Variants in WFDC3 observed in about 807,000 individuals in gnomAD.
WFDC3 encodes WAP four-disulfide core domain 3, also known as WAP four-disulfide core domain protein 3.
Under a neutral mutation model 25.8 loss-of-function variants are expected in WFDC3, and 15 were observed. The observed-to-expected ratio is 0.58, with a 90% CI of 0.39 to 0.89. The LOEUF is 0.89. WFDC3 is among the 40% of genes least tolerant of loss of function. The pLI is 0.00. For missense variants in WFDC3, 264 were observed against 289.8 expected, an observed-to-expected ratio of 0.91 and a Z score of 0.65; for synonymous variants, 103 against 107.1, an observed-to-expected ratio of 0.96 and a Z score of 0.24.
chr20:45,784,267 C>A (rs922377704), intron 4 of WFDC3, among the ~76,000 whole-genome samples: 1 of 152,188 alleles, frequency 6.6e-6, no homozygotes, highest in African/African-American at 2.4e-5. Context: ...GGCAGGCTGC[C>A]CAAGATAGCT....
chr20:45,776,321 T>TGTGTGTATG (rs1980151592), intron 5 of WFDC3, among the ~76,000 whole-genome samples: 1 of 149,006 alleles, frequency 6.7e-6, no homozygotes, highest in Non-Finnish European at 1.5e-5. Context: ...TGTGTGTGTG[T>TGTGTGTATG]TTCCAGCTGG....
At chr20:45,781,093 A>T (rs935821062) in intron 4 of WFDC3, among the ~76,000 whole-genome samples, 12 of 151,864 alleles carry the variant, frequency 7.9e-5, no homozygotes, top group Admixed American at 2.0e-4. Context: ...TACAAAAAAA[A>T]AAAAAAAAAG....
intron 4 of WFDC3, among the ~76,000 whole-genome samples, chr20:45,781,260 T>C (rs1164121562): frequency 7.5e-6 from 1 of 134,170 alleles, no homozygotes; most frequent in Non-Finnish European, 1.5e-5. Flanking sequence ...AACACACACA[T>C]AGACACACAC....
intron 4 of WFDC3, among the ~76,000 whole-genome samples, chr20:45,787,163 T>C (rs929156825): frequency 1.9e-5 from 2 of 106,370 alleles, no homozygotes; most frequent in African/African-American, 3.5e-5. Flanking sequence ...CCACCTTCCA[T>C]AGGCATCAAG....
At chr20:45,776,660 A>ATATATGTG (rs762240715) in intron 5 of WFDC3, among the ~76,000 whole-genome samples, 95 of 93,224 alleles carry the variant, frequency 1.0e-3, no homozygotes, top group Non-Finnish European at 1.3e-3. Flanking sequence ...ATATATATAT[A>ATATATGTG]TGTGTGTGTG....
chr20:45,787,798 C>T, intron 4 of WFDC3, 38 bp downstream of exon 4: 1 of 1,578,768 alleles, frequency 6.3e-7, no homozygotes, highest in South Asian at 1.2e-5. Context: ...AACAAGCAGA[C>T]CAAACAGACC....
chr20:45,790,941 C>A (rs1213240921), intron 1 of WFDC3: 2 of 470,642 alleles, frequency 4.2e-6, no homozygotes, highest in East Asian at 7.0e-5. Flanking sequence ...TCCTTTATTT[C>A]TTTTTTCTCC....
chr20:45,776,224 G>T (rs1290646771), intron 5 of WFDC3, among the ~76,000 whole-genome samples: 1 of 148,398 alleles, frequency 6.7e-6, no homozygotes, highest in Non-Finnish European at 1.5e-5. Context: ...AAAAATATTT[G>T]TTTTTTTAAA....
rs151063124 is a variant in WFDC3 at position 45,782,011 on chromosome 20, G to A, written c.359-4802C>T. ...CAGGGAGGCCATGCCATCAGCCCAC[G>A]TAAAAGATAATACATATATGTTAAT... is the stretch of plus-strand genomic sequence containing the variant. On this transcript the variant is annotated intron_variant, in intron 4 of 6. Transcript: ENST00000243938. Among the ~76,000 whole-genome samples the A allele has an allele frequency of 3.3e-3, 509 of 152,268 alleles. 5 individuals are homozygous for A. Among genetic ancestry groups the A allele is most frequent in the African/African-American group, 0.012 (491 of 41,544 alleles).
intron 4 of WFDC3, 70 bp downstream of exon 4, chr20:45,787,766 A>G: frequency 1.3e-6 from 2 of 1,511,852 alleles, no homozygotes; most frequent in Non-Finnish European, 1.8e-6. Context: ...CAACAAGCTG[A>G]TATGTGCATA....
At chr20:45,781,085 CA>C (rs796825499) in intron 4 of WFDC3, among the ~76,000 whole-genome samples, 3,074 of 106,306 alleles carry the variant, frequency 0.029, 78 homozygotes, top group African/African-American at 0.11. Flanking sequence ...ACTAAAAATA[CA>C]AAAAAAAAAA....
chr20:45,784,640 C>G lies in WFDC3; in HGVS notation c.358+3196G>C, dbSNP rs149557581. Among the ~76,000 whole-genome samples, 68 of 152,266 alleles carry G rather than the reference C, an allele frequency of 4.5e-4. No homozygotes were observed. In the East Asian group the frequency reaches 0.012, roughly 27 times the overall value. ...CCTATAATCCCAGCTACTTGGGAGG[C>G]TGAGGCAGGAGAATCGCTTGAACCT... On this transcript the variant is annotated intron_variant, in intron 4 of 6. Coordinates refer to ENST00000243938, the MANE Select transcript of WFDC3 (RefSeq NM_080614.2).
chr20:45,788,092 T>C (rs1980771803), intron 3 of WFDC3, 110 bp from the exon 4 acceptor site: 2 of 1,213,272 alleles, frequency 1.6e-6, no homozygotes, highest in Admixed American at 3.0e-5. Flanking sequence ...TCACCTGAGG[T>C]AGGGAGTTCG....
chr20:45,788,689 G>T (rs1276498418), intron 3 of WFDC3: 5 of 411,868 alleles, frequency 1.2e-5, no homozygotes, highest in Non-Finnish European at 1.7e-5. Flanking sequence ...GCCTTCACAG[G>T]AACTTTGAGT....
intron 6 of WFDC3, among the ~76,000 whole-genome samples, chr20:45,775,196 G>C (rs749280606): frequency 2.6e-5 from 4 of 152,018 alleles, no homozygotes; most frequent in Non-Finnish European, 5.9e-5. Flanking sequence ...GTGTAAGCCT[G>C]TACTGTTTAT....
In WFDC3 at chr20:45,787,893, A is replaced by G. The variant is rs1980759933; in HGVS notation, c.301T>C (p.Cys101Arg). ...TDETCPGVKK[C>R]CTLGCNKSCV... Reference sequence around the variant, plus strand: ...CTCTTGTTGCAGCCAAGCGTGCAGCATTTCTTTACACCTGGACATGTCTCA... The same window carrying G: ...CTCTTGTTGCAGCCAAGCGTGCAGCGTTTCTTTACACCTGGACATGTCTCA... Residue 101 changes from cysteine (C) to arginine (R), a missense_variant, in exon 4 of 7, where the codon TGC (cysteine) becomes CGC (arginine). Transcript: ENST00000243938. The G allele has an allele frequency of 2.5e-6, 4 of 1,614,108 alleles. No individual in the cohort carries two copies. The highest frequency in any genetic ancestry group is 2.5e-6 in the Non-Finnish European group (3 of 1,180,008).
chr20:45,776,985 G>A, intron 5 of WFDC3, 90 bp downstream of exon 5: 1 of 1,597,772 alleles, frequency 6.3e-7, no homozygotes, highest in Non-Finnish European at 8.5e-7. Context: ...GGACAGGAAG[G>A]ATGAGAATCC....
At chr20:45,776,600 AAAAAAAAAAAAAGAAAAAAAAG>A (rs1346227893) in intron 5 of WFDC3, among the ~76,000 whole-genome samples, 90 of 42,076 alleles carry the variant, frequency 2.1e-3, no homozygotes, top group Admixed American at 0.01. Flanking sequence ...TCTGTCTCAA[AAAAAAAAAAAAAGAAAAAAAAG>A]AAAAAAAAAA....
At chr20:45,780,613 G>A (rs6065889) in intron 4 of WFDC3, among the ~76,000 whole-genome samples, 23,193 of 152,038 alleles carry the variant, frequency 0.15, 2,331 homozygotes, top group East Asian at 0.4. Flanking sequence ...TGGGGATGAC[G>A]GTTCCCCACC....
Sources: gnomAD v4.1 joint callset for allele counts (sites outside exome capture counted in the v4.1 genomes callset) on GRCh38, gnomAD v4.1.1 for gene constraint, MANE v1.5 for transcripts, NCBI Gene and HGNC (gene_info 2026-07-23, HGNC 2026-07-21) for gene names.